Variants in MED13 observed in about 807,000 individuals in gnomAD.
The protein encoded by MED13 is mediator complex subunit 13.
In MED13, 23 loss-of-function variants were observed where a neutral mutation model predicts 225.2. That is an observed-to-expected ratio of 0.10 (90% CI 0.07 to 0.14). The LOEUF is 0.14. MED13 is among the 10% of genes least tolerant of loss of function. The pLI, the probability that MED13 is intolerant of heterozygous loss-of-function variation, is 1.00. For missense variants in MED13, 2,197 were observed against 2,594.5 expected, an observed-to-expected ratio of 0.85 and a Z score of 3.33; for synonymous variants, 942 against 889.2, an observed-to-expected ratio of 1.06 and a Z score of -1.06.
intron 11 of MED13, among the ~76,000 whole-genome samples, chr17:61,988,150 T>C (rs1255784884): frequency 2.0e-5 from 3 of 152,142 alleles, no homozygotes; most frequent in Non-Finnish European, 4.4e-5. Context: ...CCACTAACAG[T>C]ATGACCCTCG....
At chr17:62,037,682 A>AG (rs2143700390) in intron 3 of MED13, among the ~76,000 whole-genome samples, 1 of 145,722 alleles carries the variant, frequency 6.9e-6, no homozygotes, top group East Asian at 2.1e-4. Context: ...AAAAAAAAAA[A>AG]AGACAAAGAG....
At chr17:61,989,285 C>G (rs2080274753) in intron 11 of MED13, among the ~76,000 whole-genome samples, 1 of 152,138 alleles carries the variant, frequency 6.6e-6, no homozygotes. Flanking sequence ...GTTGGGATTA[C>G]AGGCGTGAGC....
At chr17:62,023,189 T>C (rs2080666472) in intron 8 of MED13, among the ~76,000 whole-genome samples, 1 of 152,200 alleles carries the variant, frequency 6.6e-6, no homozygotes. Flanking sequence ...TTTCTATTCA[T>C]GTAAATTGTC....
intron 4 of MED13, among the ~76,000 whole-genome samples, chr17:62,034,481 C>T (rs1603406098): frequency 9.9e-6 from 1 of 100,594 alleles, no homozygotes; most frequent in Non-Finnish European, 1.7e-5. Context: ...AGGGAGACTT[C>T]ATCTCAAAAA....
intron 23 of MED13, 86 bp from the exon 24 acceptor site, chr17:61,956,567 C>T: frequency 7.4e-7 from 1 of 1,347,710 alleles, no homozygotes; most frequent in Admixed American, 2.1e-5. Flanking sequence ...TGGAGTCTCA[C>T]TCTGTCACCC....
chr17:62,015,128 C>T (rs940097408), intron 8 of MED13, among the ~76,000 whole-genome samples: 1 of 152,158 alleles, frequency 6.6e-6, no homozygotes, highest in Non-Finnish European at 1.5e-5. Context: ...AATGTTTACT[C>T]CTTGTTTGAA....
At position 61,966,552 on chromosome 17, in the gene MED13, CCAA is replaced by C; in HGVS notation, c.4288_4290del (p.Leu1430del). ...GCTGCCTGAGAAAACCATTCTGCTA[CCAA>C]CTTTTCTGATAGTTTCTTTGATGCA... On this transcript the variant is annotated inframe_deletion, in exon 19 of 30. Transcript: ENST00000397786. 1.2e-6 allele frequency: 2 copies of C among 1,613,958 alleles called. No individual in the cohort carries two copies. The highest frequency in any genetic ancestry group is 1.7e-6 in the Non-Finnish European group (2 of 1,179,878).
At chr17:61,989,330 T>C (rs1389026590) in intron 11 of MED13, among the ~76,000 whole-genome samples, 1 of 151,612 alleles carries the variant, frequency 6.6e-6, no homozygotes, top group African/African-American at 2.4e-5. Context: ...ATTTTTAAAA[T>C]ATTTAACATT....
chr17:62,018,275 A>C (rs2080602152), intron 8 of MED13, among the ~76,000 whole-genome samples: 1 of 152,244 alleles, frequency 6.6e-6, no homozygotes, highest in Admixed American at 6.5e-5. Flanking sequence ...CCAACCAGAG[A>C]TGAAAAATAT....
intron 16 of MED13, among the ~76,000 whole-genome samples, chr17:61,977,000 A>G (rs954121076): frequency 7.9e-5 from 12 of 152,206 alleles, no homozygotes; most frequent in Admixed American, 5.2e-4. Flanking sequence ...AGACTTTTAA[A>G]TTCATTCAAA....
Position 61,961,786 on chromosome 17 carries a change from A to G in MED13, c.5065-7T>C, listed in dbSNP as rs2080002832. 6.2e-7 allele frequency: 1 copy of G among 1,608,506 alleles called. No homozygotes were observed. The highest frequency in any genetic ancestry group is 8.5e-7 in the Non-Finnish European group (1 of 1,176,416). ...GGTACTGACAAGGAATAATCTAAGA[A>G]GTATAGGCAAATATTACAAATGTTA... On this transcript the variant is annotated splice_polypyrimidine_tract_variant and splice_region_variant and intron_variant, in intron 21 of 29. Transcript: ENST00000397786.
rs371232816 is a variant in MED13, at chr17:61,983,107, T to C, written c.2896A>G (p.Ser966Gly). 6.2e-7 allele frequency: 1 copy of C among 1,600,588 alleles called. No individual in the cohort carries two copies. Among genetic ancestry groups the C allele is most frequent in the Non-Finnish European group, 8.5e-7 (1 of 1,172,008 alleles). ...GTGCCATATTCTTGATCCATATTAC[T>C]TCCATCACTATCATCACCAGGGTAA... ...SMPFIKEGDG[S>G]NMDQEYGTAY... is the part of the protein sequence containing the mutation. The change falls in exon 16 of 30, where the codon AGT (serine) becomes GGT (glycine). Residue 966 changes from serine to glycine, a missense_variant. Around this residue, in one of 12 missense-constraint regions of MED13, gnomAD observed 160 missense variants for 184.8 expected, o/e 0.87. Coordinates refer to ENST00000397786, the MANE Select transcript of MED13 (RefSeq NM_005121.3).
chr17:62,014,160 G>A (rs150452112), intron 8 of MED13, among the ~76,000 whole-genome samples: 179 of 151,878 alleles, frequency 1.2e-3, no homozygotes, highest in African/African-American at 3.8e-3. Flanking sequence ...TCTCTCTGAC[G>A]TAACATAATA....
At chr17:61,991,541 G>C (rs899864288) in intron 11 of MED13, among the ~76,000 whole-genome samples, 1 of 151,588 alleles carries the variant, frequency 6.6e-6, no homozygotes, top group Non-Finnish European at 1.5e-5. Context: ...ACAGAGTCTC[G>C]CTCTGTCGCC....
chr17:62,009,553 A>C lies in MED13; in HGVS notation c.1967+997T>G, dbSNP rs550003783. On this transcript the variant is annotated intron_variant, in intron 9 of 29. Transcript: ENST00000397786. ...ACATTTTGCATGCTGTAAATTACTGAAATTAAATCTTGTAAGACCAACTAT... is the reference window on the plus strand; with the variant it reads ...ACATTTTGCATGCTGTAAATTACTGCAATTAAATCTTGTAAGACCAACTAT... Among the ~76,000 whole-genome samples the C allele has an allele frequency of 2.6e-5, 4 of 152,326 alleles. No homozygotes were observed. The South Asian group carries it at 8.3e-4, about 32-fold the overall frequency.
At chr17:62,018,252 T>C (rs2080601905) in intron 8 of MED13, among the ~76,000 whole-genome samples, 1 of 152,064 alleles carries the variant, frequency 6.6e-6, no homozygotes, top group Non-Finnish European at 1.5e-5. Context: ...GAATTCCACA[T>C]CCTCAAATTC....
At chr17:62,024,216 C>A (rs1387062176) in intron 8 of MED13, among the ~76,000 whole-genome samples, 1 of 152,150 alleles carries the variant, frequency 6.6e-6, no homozygotes, top group African/African-American at 2.4e-5. Flanking sequence ...TGGTATTTCA[C>A]CATGTTGGCC....
At chr17:61,975,813 T>C (rs1030739581) in intron 16 of MED13, among the ~76,000 whole-genome samples, 1 of 152,038 alleles carries the variant, frequency 6.6e-6, no homozygotes, top group African/African-American at 2.4e-5. Context: ...GTCAGGAGTT[T>C]GAGACCAGCC....
Position 61,943,316 on chromosome 17 carries a change from T to TA in MED13, c.*3151dup. On this transcript the variant is annotated 3_prime_UTR_variant, in exon 30 of 30. Transcript: ENST00000397786. ...GCAAATTATATGATGCAATAGCATTTAAAAACTTTTTAATCTATTCAATTT... is the reference window on the plus strand; with the variant it reads ...GCAAATTATATGATGCAATAGCATTTAAAAAACTTTTTAATCTATTCAATTT... 6.5e-6 allele frequency: 1 copy of TA among 152,738 alleles called. No individual in the cohort carries two copies. The highest frequency in any genetic ancestry group is 1.5e-5 in the Non-Finnish European group (1 of 68,000). 9.5% of individuals were successfully genotyped at this position (152,738 alleles called of 1,614,324 possible).
Sources: gnomAD v4.1 joint callset for allele counts (sites outside exome capture counted in the v4.1 genomes callset) on GRCh38, gnomAD v4.1.1 for gene constraint, gnomAD v4.1.1 regional missense constraint, MANE v1.5 for transcripts, NCBI Gene and HGNC (gene_info 2026-07-23, HGNC 2026-07-21) for gene names.